The following NCOR2 variants were observed in gnomAD, a reference collection of about 807,000 sequenced individuals.
The protein encoded by NCOR2 is CTG repeat protein 26.
A neutral mutation model predicts 262.9 loss-of-function variants in NCOR2; 81 were observed. The ratio of observed to expected loss-of-function variants is 0.31; its 90% CI spans 0.26 to 0.37. The LOEUF (loss-of-function observed/expected upper bound fraction) is 0.37, where lower values mean the gene tolerates loss of function less well. NCOR2 is among the 10% of genes least tolerant of loss of function. The probability of loss-of-function intolerance (pLI) is 1.00; values close to 1 mark genes in which losing one functional copy is unlikely to be tolerated. For synonymous variants in NCOR2, 1,659 were observed against 1,559.3 expected (o/e 1.06, Z -1.51); for missense variants, 3,385 against 3,621.4 (o/e 0.93, Z 1.68).
chr12:124,385,172 C>T (rs973073089), intron 17 of NCOR2, among the ~76,000 whole-genome samples: 18 of 152,158 alleles, frequency 1.2e-4, no homozygotes, highest in South Asian at 8.3e-4. Context: ...GCTGGCGAGG[C>T]GAGCCTGCAC....
chr12:124,436,420 C>A (rs772661121), intron 8 of NCOR2, among the ~76,000 whole-genome samples: 14 of 152,234 alleles, frequency 9.2e-5, no homozygotes, highest in Non-Finnish European at 1.8e-4. Context: ...TAGTTCCCAG[C>A]CCTTGCCGCG....
chr12:124,455,266 C>CA (rs1333747507), intron 6 of NCOR2, among the ~76,000 whole-genome samples: 1 of 152,038 alleles, frequency 6.6e-6, no homozygotes, highest in Non-Finnish European at 1.5e-5. Flanking sequence ...GTTTACAAAA[C>CA]AAAAAAACAA....
At chr12:124,560,407 ATTC>A (rs1272600112) in intron 1 of NCOR2, among the ~76,000 whole-genome samples, 1 of 152,254 alleles carries the variant, frequency 6.6e-6, no homozygotes, top group Non-Finnish European at 1.5e-5. Context: ...ATAAAATATT[ATTC>A]TTCTTTCGAT....
At chr12:124,468,414 A>C in intron 4 of NCOR2, among the ~76,000 whole-genome samples, 1 of 31,120 alleles carries the variant, frequency 3.2e-5, no homozygotes, top group East Asian at 1.1e-3. Flanking sequence ...CCTCATCCTC[A>C]TCACCCCATC....
chr12:124,370,660 G>C (rs946305480), intron 20 of NCOR2, among the ~76,000 whole-genome samples: 1 of 152,180 alleles, frequency 6.6e-6, no homozygotes, highest in Non-Finnish European at 1.5e-5. Context: ...CCCTAACTTG[G>C]GTAGCCATCT....
intron 3 of NCOR2, among the ~76,000 whole-genome samples, chr12:124,474,200 C>T (rs1156601313): frequency 6.6e-6 from 1 of 152,250 alleles, no homozygotes; most frequent in African/African-American, 2.4e-5. Context: ...AGTCCAAACA[C>T]GCAAGTTCCA....
intron 8 of NCOR2, among the ~76,000 whole-genome samples, chr12:124,433,704 C>T (rs1402354093): frequency 1.3e-5 from 2 of 152,120 alleles, no homozygotes; most frequent in Non-Finnish European, 2.9e-5. Context: ...CGGTCTGCCT[C>T]GGACAGCGCA....
At chr12:124,347,972 C>T in intron 29 of NCOR2, 61 bp from the exon 32 acceptor site, 2 of 1,521,150 alleles carry the variant, frequency 1.3e-6, no homozygotes, top group Non-Finnish European at 1.8e-6. Context: ...TGGGCAGTGA[C>T]AGGGGTCAGT....
intron 8 of NCOR2, among the ~76,000 whole-genome samples, chr12:124,433,108 C>G (rs1233226177): frequency 6.6e-6 from 1 of 152,214 alleles, no homozygotes; most frequent in Non-Finnish European, 1.5e-5. Context: ...CCTCGACAGC[C>G]CCGTGACCAT....
chr12:124,441,303 T>A (rs1258858068), intron 7 of NCOR2, among the ~76,000 whole-genome samples: 2 of 152,150 alleles, frequency 1.3e-5, no homozygotes, highest in Non-Finnish European at 2.9e-5. Context: ...GAACCCAGCC[T>A]GAAGGTTTCC....
In NCOR2 at chr12:124,340,340, G is replaced by A. The variant is rs748561426; in HGVS notation, c.5442C>T (p.Ile1814=). The change falls in exon 36 of 47, where the codon ATC becomes ATT. Residue 1814 remains isoleucine (I), a synonymous_variant. Coordinates refer to ENST00000405201, the Ensembl canonical transcript of NCOR2. ...GCTCCACCGTCGTGGTGGACGTGAG[G>A]ATGGACTTTTCCCGCTCCCGATCCC... The A allele has an allele frequency of 2.1e-5, 34 of 1,612,788 alleles. No individual in the cohort carries two copies. In the South Asian group the frequency reaches 3.6e-4, roughly 17 times the overall value.
chr12:124,339,543 C>T (rs1331449796), intron 37 of NCOR2, among the ~76,000 whole-genome samples: 3 of 150,448 alleles, frequency 2.0e-5, no homozygotes, highest in South Asian at 2.1e-4. Context: ...CCTACCTAAC[C>T]CTATCACCCA....
intron 6 of NCOR2, among the ~76,000 whole-genome samples, chr12:124,453,836 C>A (rs2136530384): frequency 6.6e-6 from 1 of 152,352 alleles, no homozygotes. Context: ...CCGTGCCCCA[C>A]CATCTCAGTG....
At chr12:124,451,547 C>T (rs1003111126) in intron 6 of NCOR2, among the ~76,000 whole-genome samples, 2 of 149,918 alleles carry the variant, frequency 1.3e-5, no homozygotes, top group Non-Finnish European at 1.5e-5. Flanking sequence ...CTGCCTGAGT[C>T]TCTGTGTGTG....
intron 10 of NCOR2, among the ~76,000 whole-genome samples, chr12:124,428,086 T>TGTGTGTGTGTGTGTGTGGGC (rs958627720): frequency 6.8e-6 from 1 of 147,054 alleles, no homozygotes; most frequent in Non-Finnish European, 1.5e-5. Context: ...TGTGTGTGTG[T>TGTGTGTGTGTGTGTGTGGGC]GTACATGCAA....
intron 1 of NCOR2, among the ~76,000 whole-genome samples, chr12:124,554,078 C>T (rs1235154614): frequency 6.6e-6 from 1 of 152,232 alleles, no homozygotes; most frequent in Non-Finnish European, 1.5e-5. Flanking sequence ...CAAAAAGGAA[C>T]AGGGTGAGCC....
intron 24 of NCOR2, 189 bp downstream of exon 26, chr12:124,355,241 CAG>C (rs1566386996): frequency 1.5e-6 from 1 of 680,414 alleles, no homozygotes; most frequent in African/African-American, 1.8e-5. Flanking sequence ...GACTGCAATA[CAG>C]AGTGACCCCC....
At chr12:124,507,833 C>T (rs887416500) in intron 1 of NCOR2, among the ~76,000 whole-genome samples, 1 of 152,250 alleles carries the variant, frequency 6.6e-6, no homozygotes, top group Non-Finnish European at 1.5e-5. Context: ...AGGCGGCCTC[C>T]GCAAGGTTCC....
In NCOR2 at chr12:124,523,895, TCTA is replaced by T. The variant is rs1239435270; in HGVS notation, c.-118+11667_-118+11669del. Among the ~76,000 whole-genome samples, 1 of 152,190 alleles carries T rather than the reference TCTA, an allele frequency of 6.6e-6. No homozygotes were observed. Among genetic ancestry groups the T allele is most frequent in the Non-Finnish European group, 1.5e-5 (1 of 68,030 alleles). On this transcript the variant is annotated intron_variant, in intron 1 of 46. Coordinates refer to the NCOR2 transcript ENST00000404621. This position sits in a 1 kb window ranked among gnomAD's most constrained non-coding sequence, Gnocchi z 4.0. ...GAACTCAGCAAGTGTGAAACCCGCA[TCTA>T]CGACACTAACCACTAGACTATACTG...
Sources: gnomAD v4.1 joint callset for allele counts (sites outside exome capture counted in the v4.1 genomes callset) on GRCh38, gnomAD v4.1.1 for gene constraint, Gnocchi (gnomAD v3.1) non-coding constraint, MANE v1.5 for transcripts, NCBI Gene and HGNC (gene_info 2026-07-23, HGNC 2026-07-21) for gene names.